The following EIF5B variants were observed in gnomAD, a reference collection of about 807,000 sequenced individuals.
The protein encoded by EIF5B is eukaryotic translation initiation factor 5B.
Under a neutral mutation model 147.5 loss-of-function variants are expected in EIF5B, and 47 were observed. That is an observed-to-expected ratio of 0.32 (90% CI 0.25 to 0.41). The LOEUF (loss-of-function observed/expected upper bound fraction) is 0.41, where lower values mean the gene tolerates loss of function less well. Ranked by LOEUF, EIF5B falls within the 10% of genes least tolerant of loss-of-function variation. The pLI is 1.00. For missense variants in EIF5B, 1,064 were observed against 1,413.2 expected (o/e 0.75, Z 3.96); for synonymous variants, 455 against 456.2 (o/e 1.00, Z 0.03).
chr2:99,357,646 A>G (rs547623481), intron 1 of EIF5B, among the ~76,000 whole-genome samples: 4 of 152,342 alleles, frequency 2.6e-5, no homozygotes, highest in South Asian at 4.1e-4. Context: ...TCTTGAAGCT[A>G]TTTTGATGAG....
chr2:99,363,649 C>T lies in EIF5B; in HGVS notation c.924C>T (p.Asp308=). Reference sequence around the variant, plus strand: ...TGCCTTTATTCTTTTTGGTAGATGACAATGAAGGAGACAAAAAGAAGAAAG... The same window carrying T: ...TGCCTTTATTCTTTTTGGTAGATGATAATGAAGGAGACAAAAAGAAGAAAG... ...KAETPTAAED[D]NEGDKKKKDK... The change falls in exon 5 of 24, where the codon GAC becomes GAT. Residue 308 remains aspartate, a synonymous_variant. Transcript: ENST00000289371. 6.4e-7 allele frequency: 1 copy of T among 1,571,420 alleles called. No individual in the cohort carries two copies. Among genetic ancestry groups the T allele is most frequent in the Non-Finnish European group, 8.6e-7 (1 of 1,167,414 alleles).
At position 99,392,201 on chromosome 2, in the gene EIF5B, C is replaced by T. The variant is rs548647374; in HGVS notation, c.2749-766C>T. On this transcript the variant is annotated intron_variant, in intron 17 of 23. Transcript: ENST00000289371. ...TTGAGATGGAGTCTCAGTCTGTCATCCAGGCTGGGATTACAGGTGCACGCC... is the reference window on the plus strand; with the variant it reads ...TTGAGATGGAGTCTCAGTCTGTCATTCAGGCTGGGATTACAGGTGCACGCC... 5.5e-4 allele frequency among the ~76,000 whole-genome samples: 83 copies of T among 151,850 alleles called. 1 individual carries two copies. Among genetic ancestry groups the T allele is most frequent in the Non-Finnish European group, 1.1e-3 (72 of 67,946 alleles).
At chr2:99,338,430 C>T in intron 1 of EIF5B, 1 of 906,704 alleles carries the variant, frequency 1.1e-6, no homozygotes, top group East Asian at 6.2e-5. Context: ...CACGTTCGTA[C>T]ACTACCCACC....
chr2:99,356,522 C>T (rs1404322091), intron 1 of EIF5B, among the ~76,000 whole-genome samples: 1 of 152,068 alleles, frequency 6.6e-6, no homozygotes, highest in African/African-American at 2.4e-5. Context: ...TTAATTTGTT[C>T]TTCTAATTAA....
At chr2:99,399,257 G>T in intron 23 of EIF5B, 50 bp from the exon 24 acceptor site, 2 of 1,565,420 alleles carry the variant, frequency 1.3e-6, no homozygotes, top group South Asian at 1.1e-5. Context: ...AGCTTTCTTT[G>T]GCACGTTTGT....
At chr2:99,355,985 C>T (rs1008274248) in intron 1 of EIF5B, among the ~76,000 whole-genome samples, 2 of 152,150 alleles carry the variant, frequency 1.3e-5, no homozygotes, top group Non-Finnish European at 2.9e-5. Context: ...ACAGAGTCTC[C>T]ATGTGCCCCA....
intron 1 of EIF5B, among the ~76,000 whole-genome samples, chr2:99,347,801 C>A (rs2094276512): frequency 6.6e-6 from 1 of 152,026 alleles, no homozygotes; most frequent in African/African-American, 2.4e-5. Context: ...TGATCTTTTT[C>A]ATCAACCGGA....
intron 9 of EIF5B, among the ~76,000 whole-genome samples, chr2:99,372,875 C>T (rs7585721): frequency 0.62 from 93,949 of 151,946 alleles, 29,822 homozygotes; most frequent in African/African-American, 0.75. Flanking sequence ...TCAAGTCTTT[C>T]ATAGCGTTCT....
At chr2:99,360,724 A>G (rs1674191638) in intron 3 of EIF5B, among the ~76,000 whole-genome samples, 175 bp downstream of exon 3, 1 of 152,202 alleles carries the variant, frequency 6.6e-6, no homozygotes. Context: ...ATTTTGTGGT[A>G]TGTTGATTGT....
At chr2:99,351,620 A>G (rs1356592974) in intron 1 of EIF5B, among the ~76,000 whole-genome samples, 1 of 152,102 alleles carries the variant, frequency 6.6e-6, no homozygotes, top group Admixed American at 6.5e-5. Flanking sequence ...TCCAGTCTCA[A>G]CACTTGGTAT....
At position 99,363,551 on chromosome 2, in the gene EIF5B, A is replaced by G. The variant is rs371666916; in HGVS notation, c.920-94A>G. On this transcript the variant is annotated intron_variant, in intron 4 of 23. Coordinates refer to ENST00000289371, the MANE Select transcript of EIF5B (RefSeq NM_015904.4). The stretch of plus-strand genomic sequence containing the variant: ...CTGCTGCTGGCATCGGCCTTGGCCC[A>G]TTATGGTCCTTGAATTGTGGTTGGG... 1.3e-4 allele frequency: 175 copies of G among 1,318,518 alleles called. No individual in the cohort carries two copies. In the African/African-American group the frequency reaches 2.1e-3, roughly 16 times the overall value. 81.7% of individuals were successfully genotyped at this position (1,318,518 alleles called of 1,614,324 possible). A position where few individuals can be genotyped will look rare whatever the true frequency, so the allele number is the denominator to read the frequency against.
intron 14 of EIF5B, among the ~76,000 whole-genome samples, chr2:99,384,451 G>T (rs1674757319): frequency 6.6e-6 from 1 of 152,192 alleles, no homozygotes; most frequent in Non-Finnish European, 1.5e-5. Context: ...CATCCATTCT[G>T]CAGCTCATGG....
At chr2:99,365,729 A>G (rs1329021326) in intron 6 of EIF5B, among the ~76,000 whole-genome samples, 11 of 151,868 alleles carry the variant, frequency 7.2e-5, no homozygotes, top group Non-Finnish European at 1.5e-4. Context: ...CTCAAGTGGC[A>G]TCCCTGACGC....
intron 14 of EIF5B, 25 bp from the exon 15 acceptor site, chr2:99,389,693 C>T (rs1322064747): frequency 7.6e-5 from 120 of 1,576,340 alleles, no homozygotes; most frequent in Non-Finnish European, 1.0e-4. Flanking sequence ...TTTTAGAGAT[C>T]TTTCTCATGA....
chr2:99,364,341 A>G lies in EIF5B; in HGVS notation c.1208A>G (p.Lys403Arg). 6.2e-7 allele frequency: 1 copy of G among 1,610,736 alleles called. No homozygotes were observed. The highest frequency in any genetic ancestry group is 1.1e-5 in the South Asian group (1 of 90,070). ...KEKERKERLKKEGKLLTKSQR... is the reference protein window; with the variant it reads ...KEKERKERLKREGKLLTKSQR... ...AAAGAAAGAAAAGAACGCTTGAAAAAAGAAGGGAAACTTTTAACTAAATCC... is the reference window on the plus strand; with the variant it reads ...AAAGAAAGAAAAGAACGCTTGAAAAGAGAAGGGAAACTTTTAACTAAATCC... Residue 403 changes from lysine to arginine, a missense_variant, in exon 6 of 24, where the codon AAA (lysine) becomes AGA (arginine). By Grantham distance (26) the Lys-to-Arg change is conservative. Around this residue, in one of 4 missense-constraint regions of EIF5B, gnomAD observed 458 missense variants for 451.3 expected, o/e 1.01. Transcript: ENST00000289371.
At chr2:99,371,488 CA>C (rs201222383) in intron 8 of EIF5B, among the ~76,000 whole-genome samples, 167 bp from the exon 9 acceptor site, 56,525 of 111,848 alleles carry the variant, frequency 0.51, 11,277 homozygotes, top group Admixed American at 0.62. Flanking sequence ...GACTCCGTCT[CA>C]AAAAAAAAAA....
chr2:99,394,077 TAC>T (rs1674994919), intron 18 of EIF5B, among the ~76,000 whole-genome samples, 188 bp from the exon 19 acceptor site: 1 of 152,146 alleles, frequency 6.6e-6, no homozygotes. Flanking sequence ...TGAAGCGAAA[TAC>T]AGTTAGGGTA....
intron 1 of EIF5B, among the ~76,000 whole-genome samples, chr2:99,353,388 G>A (rs1355220371): frequency 6.6e-6 from 1 of 150,960 alleles, no homozygotes; most frequent in Non-Finnish European, 1.5e-5. Flanking sequence ...AGAACTCCTG[G>A]GCTCAAGCAA....
intron 1 of EIF5B, among the ~76,000 whole-genome samples, chr2:99,359,237 C>T (rs887866525): frequency 5.3e-5 from 8 of 150,928 alleles, no homozygotes; most frequent in African/African-American, 1.9e-4. Flanking sequence ...GGCATGGTGG[C>T]GGGCTCCTGT....
Sources: gnomAD v4.1 joint callset for allele counts (sites outside exome capture counted in the v4.1 genomes callset) on GRCh38, gnomAD v4.1.1 for gene constraint, gnomAD v4.1.1 regional missense constraint, MANE v1.5 for transcripts, NCBI Gene and HGNC (gene_info 2026-07-23, HGNC 2026-07-21) for gene names.